The following TCF4 variants were observed in gnomAD, a reference collection of about 807,000 sequenced individuals.
The protein encoded by TCF4 is transcription factor 4.
In TCF4, 3 loss-of-function variants were observed where a neutral mutation model predicts 82.1. The ratio of observed to expected loss-of-function variants is 0.04; its 90% confidence interval spans 0.02 to 0.09. The LOEUF is 0.09. Among genes scored for constraint, TCF4 ranks in the 10% least tolerant of loss-of-function variants. TCF4 has a pLI of 1.00. For synonymous variants in TCF4, 276 were observed against 309.6 expected, an observed-to-expected ratio of 0.89 and a Z score of 1.14; for missense variants, 518 against 852.7, an observed-to-expected ratio of 0.61 and a Z score of 4.89.
At chr18:55,328,681 G>T (rs2076993015) in intron 8 of TCF4, among the ~76,000 whole-genome samples, 1 of 152,160 alleles carries the variant, frequency 6.6e-6, no homozygotes. Flanking sequence ...TCCTGGTTAT[G>T]TTTATTTGTC....
chr18:55,300,439 G>T (rs1321632571), intron 8 of TCF4, among the ~76,000 whole-genome samples: 1 of 27,830 alleles, frequency 3.6e-5, no homozygotes, highest in Admixed American at 4.0e-4. Context: ...TGGGGGAGGG[G>T]TAAGTGGGGG....
rs1276836954 is a variant in TCF4 at position 55,633,331 on chromosome 18, T to C, written c.196-1943A>G. The stretch of plus-strand genomic sequence containing the variant: ...GGCAGGAGGCCTCAGCTTCTCTCCA[T>C]GTGGGACTCGCCACAGTCTGCTTGA... On this transcript the variant is annotated intron_variant, in intron 1 of 20. Transcript: ENST00000398339. The surrounding 1 kb of genome is among the most constrained non-coding windows in gnomAD (Gnocchi z 4.0). 6.6e-6 allele frequency among the ~76,000 whole-genome samples: 1 copy of C among 152,166 alleles called. No homozygotes were observed.
chr18:55,486,763 A>G (rs2096521923), intron 3 of TCF4, among the ~76,000 whole-genome samples: 2 of 152,220 alleles, frequency 1.3e-5, no homozygotes. Flanking sequence ...GACCAGTCTT[A>G]TTTCACTGAA....
At chr18:55,461,862 G>A (rs2095872634) in intron 4 of TCF4, among the ~76,000 whole-genome samples, 1 of 152,142 alleles carries the variant, frequency 6.6e-6, no homozygotes. Context: ...TTCTTAAGCT[G>A]TCCAGTTACT....
intron 9 of TCF4, among the ~76,000 whole-genome samples, chr18:55,275,956 G>A (rs1280113696): frequency 1.3e-5 from 2 of 152,082 alleles, no homozygotes; most frequent in Admixed American, 1.3e-4. Context: ...AAAAGTTAAA[G>A]TGTTCTTGGT....
chr18:55,311,208 A>G (rs1486785589), intron 8 of TCF4, among the ~76,000 whole-genome samples: 3 of 152,212 alleles, frequency 2.0e-5, no homozygotes, highest in Non-Finnish European at 4.4e-5. Flanking sequence ...AAAAAAACAA[A>G]AAAATGTTAT....
At chr18:55,598,113 C>T (rs1027709961) in intron 2 of TCF4, among the ~76,000 whole-genome samples, 2 of 152,104 alleles carry the variant, frequency 1.3e-5, no homozygotes, top group Admixed American at 6.5e-5. Flanking sequence ...AAAATCATGC[C>T]GTAAAACTAT....
intron 15 of TCF4, among the ~76,000 whole-genome samples, chr18:55,252,421 G>C (rs746943959): frequency 6.6e-6 from 1 of 151,694 alleles, no homozygotes; most frequent in Non-Finnish European, 1.5e-5. Context: ...TGTAATATTG[G>C]CTAATTATTT....
intron 11 of TCF4, chr18:55,267,123 C>T (rs1329135065): frequency 2.0e-5 from 3 of 152,104 alleles, no homozygotes; most frequent in Admixed American, 6.6e-5. Flanking sequence ...TGTTAGTGCT[C>T]GAACCCCATT....
At chr18:55,298,111 G>A (rs2067067637) in intron 8 of TCF4, among the ~76,000 whole-genome samples, 1 of 152,074 alleles carries the variant, frequency 6.6e-6, no homozygotes, top group Admixed American at 6.6e-5. Flanking sequence ...AATTGATGTT[G>A]GGCACGAAGC....
chr18:55,612,971 G>A (rs1178944202), intron 2 of TCF4, among the ~76,000 whole-genome samples: 2 of 151,908 alleles, frequency 1.3e-5, no homozygotes, highest in African/African-American at 2.4e-5. Flanking sequence ...ATATTGTTTA[G>A]TACTGAAGTC....
At chr18:55,588,625 C>A, upstream of TCF4, 1 of 1,458,860 alleles carries the variant, frequency 6.9e-7, no homozygotes, top group South Asian at 1.4e-5. Context: ...CACACATCCA[C>A]ACACGGCAAA....
chr18:55,401,549 C>G, intron 6 of TCF4: 7 of 989,040 alleles, frequency 7.1e-6, no homozygotes, highest in Non-Finnish European at 8.4e-6. Context: ...ATCCACCTCT[C>G]TTCCACCCTC....
chr18:55,498,615 G>C (rs2096663646), intron 3 of TCF4, among the ~76,000 whole-genome samples: 1 of 152,118 alleles, frequency 6.6e-6, no homozygotes, highest in Non-Finnish European at 1.5e-5. Context: ...TACCTCCTCT[G>C]AGTCTCTAGT....
At chr18:55,607,946 A>C (rs2097703620) in intron 2 of TCF4, among the ~76,000 whole-genome samples, 1 of 152,178 alleles carries the variant, frequency 6.6e-6, no homozygotes, top group Admixed American at 6.5e-5. Context: ...CTTTTCATTC[A>C]AGTGGTGACT....
At chr18:55,398,368 C>T (rs943560119) in intron 6 of TCF4, among the ~76,000 whole-genome samples, 1 of 152,194 alleles carries the variant, frequency 6.6e-6, no homozygotes, top group Non-Finnish European at 1.5e-5. Context: ...ATTCACACTG[C>T]TACATTTCAA....
At position 55,376,346 on chromosome 18, in the gene TCF4, G is replaced by A. The variant is rs192380139; in HGVS notation, c.370-25343C>T. Among the ~76,000 whole-genome samples the A allele has an allele frequency of 3.3e-5, 5 of 152,194 alleles. No homozygotes were observed. The East Asian group carries it at 7.7e-4, about 24-fold the overall frequency. On this transcript the variant is annotated intron_variant, in intron 6 of 19. Coordinates refer to ENST00000354452, the MANE Select transcript of TCF4 (RefSeq NM_001083962.2). ...CGGACAATAATATTTCTTAGAACAT[G>A]AAAATAAGGAAAAGAAAATACTATG...
intron 3 of TCF4, among the ~76,000 whole-genome samples, chr18:55,505,465 T>G (rs2096744405): frequency 6.6e-6 from 1 of 152,080 alleles, no homozygotes; most frequent in Non-Finnish European, 1.5e-5. Flanking sequence ...TCAGTATGAT[T>G]CTATGAAATA....
chr18:55,333,511 T>G (rs2078010566), intron 8 of TCF4, among the ~76,000 whole-genome samples: 1 of 152,016 alleles, frequency 6.6e-6, no homozygotes, highest in Non-Finnish European at 1.5e-5. Context: ...ACCTCCGCAT[T>G]CCCCAATATA....
Sources: gnomAD v4.1 joint callset for allele counts (sites outside exome capture counted in the v4.1 genomes callset) on GRCh38, gnomAD v4.1.1 for gene constraint, Gnocchi (gnomAD v3.1) non-coding constraint, MANE v1.5 for transcripts, NCBI Gene and HGNC (gene_info 2026-07-23, HGNC 2026-07-21) for gene names.